The following TTC28 variants were observed in gnomAD, a reference collection of about 807,000 sequenced individuals.
TTC28 encodes the protein tetratricopeptide repeat protein 28.
In TTC28, 61 loss-of-function variants were observed where a neutral mutation model predicts 198.0. That is an observed-to-expected ratio of 0.31 (90% CI 0.25 to 0.38). TTC28 has a LOEUF of 0.38. TTC28 is among the 10% of genes least tolerant of loss of function. TTC28 has a pLI of 1.00. For missense variants in TTC28, 2,678 were observed against 3,164.0 expected (o/e 0.85, Z 3.69); for synonymous variants, 1,171 against 1,297.8 (o/e 0.90, Z 2.10).
At chr22:28,243,309 A>G (rs1929822231) in intron 5 of TTC28, among the ~76,000 whole-genome samples, 1 of 150,686 alleles carries the variant, frequency 6.6e-6, no homozygotes, top group African/African-American at 2.4e-5. Flanking sequence ...GTGAGCCATG[A>G]TCATGCCACT....
chr22:28,371,509 CA>C (rs1229801209), intron 2 of TTC28, among the ~76,000 whole-genome samples: 46 of 6,104 alleles, frequency 7.5e-3, no homozygotes, highest in South Asian at 0.023. Flanking sequence ...GACCCTGTCT[CA>C]AAAAAAAAAA....
intron 6 of TTC28, among the ~76,000 whole-genome samples, chr22:28,150,579 A>C (rs1363846132): frequency 6.6e-6 from 1 of 152,232 alleles, no homozygotes; most frequent in East Asian, 1.9e-4. Flanking sequence ...TTCCAGAAGA[A>C]AGACCCCAAA....
At chr22:28,337,296 C>G (rs1466744356) in intron 2 of TTC28, among the ~76,000 whole-genome samples, 7 of 152,112 alleles carry the variant, frequency 4.6e-5, no homozygotes, top group Non-Finnish European at 1.0e-4. Flanking sequence ...TGGTGTGGTG[C>G]TGAAAAGAAT....
At chr22:28,491,734 A>G (rs1038169732) in intron 2 of TTC28, among the ~76,000 whole-genome samples, 3 of 152,210 alleles carry the variant, frequency 2.0e-5, no homozygotes, top group South Asian at 2.1e-4. Flanking sequence ...TAGAAATACC[A>G]TTTGACCCAG....
At chr22:28,256,603 C>CCTGA (rs1930937737) in intron 5 of TTC28, among the ~76,000 whole-genome samples, 1 of 151,972 alleles carries the variant, frequency 6.6e-6, no homozygotes, top group Admixed American at 6.6e-5. Context: ...CAGAAAAGAA[C>CCTGA]CTGAATAGCC....
chr22:28,387,927 T>C (rs2046639259), intron 2 of TTC28, among the ~76,000 whole-genome samples: 1 of 152,256 alleles, frequency 6.6e-6, no homozygotes, highest in Non-Finnish European at 1.5e-5. Flanking sequence ...CCCATGCCTA[T>C]GTGCTGAATG....
At chr22:28,605,404 G>A (rs1038874554) in intron 2 of TTC28, among the ~76,000 whole-genome samples, 1 of 152,144 alleles carries the variant, frequency 6.6e-6, no homozygotes, top group Non-Finnish European at 1.5e-5. Flanking sequence ...CCAATCAAAC[G>A]GTGGCAGCTA....
At chr22:28,617,056 T>C (rs2050915039) in intron 2 of TTC28, among the ~76,000 whole-genome samples, 3 of 152,192 alleles carry the variant, frequency 2.0e-5, no homozygotes. Flanking sequence ...GAAGATATCC[T>C]TGAAGAACAT....
intron 6 of TTC28, among the ~76,000 whole-genome samples, chr22:28,114,282 C>T (rs975013587): frequency 2.0e-5 from 3 of 152,182 alleles, no homozygotes; most frequent in Admixed American, 6.5e-5. Flanking sequence ...TCCATAGGAC[C>T]CATAATTCTA....
chr22:28,552,754 T>C (rs2049699497), intron 2 of TTC28, among the ~76,000 whole-genome samples: 3 of 142,028 alleles, frequency 2.1e-5, no homozygotes, highest in Admixed American at 6.9e-5. Context: ...CCTCTCCCTC[T>C]CCCTCTCCGC....
rs1936983451 is a variant in TTC28, at chr22:27,980,821, TTCCCTTGTCTTGCC to T, written c.*1386_*1399del. The T allele has an allele frequency of 6.6e-6, 1 of 152,272 alleles. No homozygotes were observed. Among genetic ancestry groups the T allele is most frequent in the South Asian group, 2.1e-4 (1 of 4,836 alleles). The allele number at this position is 152,272 out of a possible 1,614,324, so 9.4% of individuals were successfully genotyped here. A position where few individuals can be genotyped will look rare whatever the true frequency, so the allele number is the denominator to read the frequency against. On this transcript the variant is annotated 3_prime_UTR_variant, in exon 23 of 23. Transcript: ENST00000397906. Reference sequence around the variant, plus strand: ...TTAATGGTTACCCCTAACTAGATGATTCCCTTGTCTTGCCTCAAGCTGGCAACAATTTAAGTTAC... The same window carrying T: ...TTAATGGTTACCCCTAACTAGATGATTCAAGCTGGCAACAATTTAAGTTAC...
At chr22:28,562,788 T>G (rs897908826) in intron 2 of TTC28, among the ~76,000 whole-genome samples, 3 of 152,164 alleles carry the variant, frequency 2.0e-5, no homozygotes, top group Non-Finnish European at 4.4e-5. Flanking sequence ...GACATGAAAG[T>G]CAATTACTTC....
At position 28,001,073 on chromosome 22, in the gene TTC28, T is replaced by C. The variant is rs746276841; in HGVS notation, c.4398+301A>G. ...GCCCCCTCAGGTGCTCAGCCAGGCC[T>C]CAAGCCTTGCTGTGTACCTCAGAGC... On this transcript the variant is annotated intron_variant, in intron 15 of 22. Coordinates refer to ENST00000397906, the MANE Select transcript of TTC28 (RefSeq NM_001145418.2). The C allele has an allele frequency of 4.6e-5, 12 of 262,772 alleles. No individual in the cohort carries two copies. The South Asian group carries it at 8.8e-4, about 19-fold the overall frequency. 16.3% of individuals were successfully genotyped at this position (262,772 alleles called of 1,614,324 possible).
At chr22:28,398,605 A>T (rs777337336) in intron 2 of TTC28, among the ~76,000 whole-genome samples, 9 of 152,222 alleles carry the variant, frequency 5.9e-5, no homozygotes, top group Non-Finnish European at 1.2e-4. Flanking sequence ...AGCCAAGTAT[A>T]TCTAGGGCTC....
intron 18 of TTC28, 109 bp downstream of exon 18, chr22:27,993,178 C>T: frequency 9.7e-7 from 1 of 1,027,546 alleles, no homozygotes; most frequent in East Asian, 2.6e-5. Flanking sequence ...CACCCTCCTG[C>T]TCCTAGCTGG....
intron 5 of TTC28, among the ~76,000 whole-genome samples, chr22:28,232,232 A>G (rs1290104069): frequency 6.6e-6 from 1 of 152,212 alleles, no homozygotes; most frequent in Non-Finnish European, 1.5e-5. Context: ...TGAATGATCA[A>G]TAACGTATTT....
At position 28,258,102 on chromosome 22, in the gene TTC28, G is replaced by A. The variant is rs147667644; in HGVS notation, c.933+38096C>T. ...AATTTTATAAACATACTATAGTTGG[G>A]ATACTGAAGTGGTGAACATTACTTA... On this transcript the variant is annotated intron_variant, in intron 5 of 22. Coordinates refer to ENST00000397906, the MANE Select transcript of TTC28 (RefSeq NM_001145418.2). 2.3e-3 allele frequency among the ~76,000 whole-genome samples: 355 copies of A among 152,126 alleles called. 3 individuals are homozygous for A. The Middle Eastern group carries it at 0.031, about 13-fold the overall frequency.
At chr22:28,504,689 C>T (rs16986489) in intron 2 of TTC28, among the ~76,000 whole-genome samples, 5,679 of 152,220 alleles carry the variant, frequency 0.037, 203 homozygotes, top group East Asian at 0.16. Flanking sequence ...ATGCCCGACT[C>T]ACATTACCCA....
intron 2 of TTC28, among the ~76,000 whole-genome samples, chr22:28,479,394 C>T (rs919786829): frequency 9.2e-5 from 14 of 152,172 alleles, no homozygotes; most frequent in Non-Finnish European, 4.4e-5. Context: ...TTCCAGTACT[C>T]TGCACATATA....
Sources: gnomAD v4.1 joint callset for allele counts (sites outside exome capture counted in the v4.1 genomes callset) on GRCh38, gnomAD v4.1.1 for gene constraint, MANE v1.5 for transcripts, NCBI Gene and HGNC (gene_info 2026-07-23, HGNC 2026-07-21) for gene names.